The following GALNT17 variants were observed in gnomAD, a reference collection of about 807,000 sequenced individuals.
GALNT17 encodes the protein polypeptide N-acetylgalactosaminyltransferase 17.
In GALNT17, 29 loss-of-function variants were observed where a neutral mutation model predicts 63.7. That is an observed-to-expected ratio of 0.46 (90% CI 0.34 to 0.62). The LOEUF (loss-of-function observed/expected upper bound fraction) is 0.62. Among genes scored for constraint, GALNT17 ranks in the 20% least tolerant of loss-of-function variants. The probability of loss-of-function intolerance (pLI) is 0.01; values close to 1 mark genes in which losing one functional copy is unlikely to be tolerated. For missense variants in GALNT17, 603 were observed against 799.6 expected, an observed-to-expected ratio of 0.75 and a Z score of 2.97; for synonymous variants, 305 against 318.3, an observed-to-expected ratio of 0.96 and a Z score of 0.45.
At chr7:71,140,283 G>A (rs1251448385) in intron 1 of GALNT17, among the ~76,000 whole-genome samples, 3 of 152,210 alleles carry the variant, frequency 2.0e-5, no homozygotes, top group African/African-American at 7.2e-5. Context: ...GACAGGCGCG[G>A]GCCCTGGGTT....
At chr7:71,359,566 G>A (rs1299592093) in intron 2 of GALNT17, among the ~76,000 whole-genome samples, 1 of 151,618 alleles carries the variant, frequency 6.6e-6, no homozygotes, top group Non-Finnish European at 1.5e-5. Context: ...CCAAAACATA[G>A]CATATAACTA....
intron 1 of GALNT17, among the ~76,000 whole-genome samples, chr7:71,153,346 A>G (rs1209426952): frequency 6.6e-6 from 1 of 152,228 alleles, no homozygotes; most frequent in Non-Finnish European, 1.5e-5. Context: ...TGTTATTGAC[A>G]TCGCCGTGGT....
intron 3 of GALNT17, among the ~76,000 whole-genome samples, chr7:71,413,801 T>G (rs1023668640): frequency 2.6e-5 from 4 of 152,216 alleles, no homozygotes; most frequent in Middle Eastern, 3.4e-3. Context: ...GGAAGCCTGC[T>G]CAGTGTCACT....
chr7:71,595,175 A>G (rs1002234545), intron 6 of GALNT17, among the ~76,000 whole-genome samples: 4 of 152,200 alleles, frequency 2.6e-5, no homozygotes, highest in South Asian at 4.1e-4. Context: ...TGATGCTAGC[A>G]CTTTAGGAAG....
chr7:71,278,004 TTTTA>T (rs1287928547), intron 1 of GALNT17, among the ~76,000 whole-genome samples: 2 of 152,016 alleles, frequency 1.3e-5, no homozygotes, highest in African/African-American at 4.8e-5. Flanking sequence ...CTGCTAACTT[TTTTA>T]TTTATGATAC....
chr7:71,313,962 A>G (rs10256635), intron 1 of GALNT17, among the ~76,000 whole-genome samples: 25,449 of 152,156 alleles, frequency 0.17, 2,416 homozygotes, highest in East Asian at 0.29. Flanking sequence ...AGGAAAATTC[A>G]TGAGGAGCTC....
chr7:71,311,357 G>T (rs950333543), intron 1 of GALNT17, among the ~76,000 whole-genome samples: 2 of 152,168 alleles, frequency 1.3e-5, no homozygotes, highest in Non-Finnish European at 2.9e-5. Context: ...AAGCCATACC[G>T]GAATGGGGCT....
Position 71,132,743 on chromosome 7 carries a change from C to A in GALNT17, c.-60C>A. The stretch of plus-strand genomic sequence containing the variant: ...AGGCTTGCACGGCCCCTGGCTGCCC[C>A]GCGCCTCGCCGGAGCCCGAGGGGGC... On this transcript the variant is annotated 5_prime_UTR_variant, in exon 1 of 11. Coordinates refer to ENST00000333538, the MANE Select transcript of GALNT17 (RefSeq NM_022479.3). 7.0e-7 allele frequency: 1 copy of A among 1,438,772 alleles called. No individual in the cohort carries two copies. Among genetic ancestry groups the A allele is most frequent in the South Asian group, 1.3e-5 (1 of 74,574 alleles). The allele number at this position is 1,438,772 out of a possible 1,614,324, so 89.1% of individuals were successfully genotyped here. A position where few individuals can be genotyped will look rare whatever the true frequency, so the allele number is the denominator to read the frequency against.
intron 1 of GALNT17, among the ~76,000 whole-genome samples, chr7:71,177,142 A>G (rs1367280756): frequency 1.3e-5 from 2 of 152,100 alleles, no homozygotes; most frequent in Non-Finnish European, 2.9e-5. Flanking sequence ...GAGCGGGGCC[A>G]AGCTACTGTC....
chr7:71,289,628 C>T (rs772860029), intron 1 of GALNT17, among the ~76,000 whole-genome samples: 5 of 152,054 alleles, frequency 3.3e-5, no homozygotes, highest in African/African-American at 7.2e-5. Flanking sequence ...ACCTGTAATC[C>T]CAGCACTTTG....
chr7:71,601,007 CAA>C (rs1789959234), intron 6 of GALNT17, among the ~76,000 whole-genome samples: 1 of 152,018 alleles, frequency 6.6e-6, no homozygotes, highest in Non-Finnish European at 1.5e-5. Flanking sequence ...TGAGAACATA[CAA>C]TGTTTGGTTT....
chr7:71,572,776 G>A (rs1789470349), intron 6 of GALNT17, among the ~76,000 whole-genome samples: 1 of 152,010 alleles, frequency 6.6e-6, no homozygotes, highest in South Asian at 2.1e-4. Flanking sequence ...GCTTTGCAGT[G>A]ACGTGGCAGG....
intron 1 of GALNT17, among the ~76,000 whole-genome samples, chr7:71,219,742 T>G (rs10224093): frequency 0.08 from 12,166 of 152,252 alleles, 698 homozygotes; most frequent in East Asian, 0.21. Context: ...CCAAGTGTAT[T>G]TTACCTATTT....
intron 1 of GALNT17, among the ~76,000 whole-genome samples, chr7:71,153,252 C>T (rs1788166039): frequency 6.6e-6 from 1 of 152,168 alleles, no homozygotes; most frequent in African/African-American, 2.4e-5. Flanking sequence ...GTAGCTACTC[C>T]TATAAATATG....
intron 8 of GALNT17, among the ~76,000 whole-genome samples, chr7:71,675,314 A>G (rs1465917997): frequency 6.6e-6 from 1 of 152,240 alleles, no homozygotes; most frequent in East Asian, 1.9e-4. Flanking sequence ...GCACAGTGCC[A>G]GGCACTTACC....
intron 5 of GALNT17, among the ~76,000 whole-genome samples, chr7:71,513,807 CTG>C (rs1788403366): frequency 6.6e-6 from 1 of 152,112 alleles, no homozygotes; most frequent in African/African-American, 2.4e-5. Flanking sequence ...TATCCTGGGA[CTG>C]TGGGTTCAAT....
Position 71,438,347 on chromosome 7 carries a change from G to A in GALNT17, c.962+17242G>A, listed in dbSNP as rs1452352997. Among the ~76,000 whole-genome samples the A allele has an allele frequency of 4.6e-5, 7 of 152,250 alleles. No individual in the cohort carries two copies. In the East Asian group the frequency reaches 1.4e-3, roughly 29 times the overall value. On this transcript the variant is annotated intron_variant, in intron 5 of 10. Transcript: ENST00000333538. Reference sequence around the variant, plus strand: ...GGCTAAGCTAGTCTAGTCATTTCACGTTTTTCTGCCTGCTTTATATTCTAG... The same window carrying A: ...GGCTAAGCTAGTCTAGTCATTTCACATTTTTCTGCCTGCTTTATATTCTAG...
chr7:71,494,000 T>C (rs1788053193), intron 5 of GALNT17, among the ~76,000 whole-genome samples: 1 of 152,060 alleles, frequency 6.6e-6, no homozygotes, highest in Non-Finnish European at 1.5e-5. Context: ...GGTGTATTAG[T>C]CCATTTTCAC....
intron 5 of GALNT17, among the ~76,000 whole-genome samples, chr7:71,544,031 G>T (rs1176324677): frequency 6.6e-6 from 1 of 151,232 alleles, no homozygotes; most frequent in African/African-American, 2.4e-5. Context: ...GACCTCAGAT[G>T]TTCCACCCGC....
Sources: allele counts gnomAD v4.1 joint callset (sites outside exome capture counted in the v4.1 genomes callset), GRCh38; gene constraint gnomAD v4.1.1; transcripts MANE v1.5; gene names NCBI Gene and HGNC (gene_info 2026-07-23, HGNC 2026-07-21).